TNRC6A: variants seen among roughly 807,000 people sequenced by gnomAD.
The protein encoded by TNRC6A is trinucleotide repeat containing adaptor 6A, also known as trinucleotide repeat-containing gene 6A protein.
A neutral mutation model predicts 221.2 loss-of-function variants in TNRC6A; 44 were observed. The ratio of observed to expected loss-of-function variants is 0.20; its 90% confidence interval spans 0.16 to 0.26. The LOEUF is 0.26. Among genes scored for constraint, TNRC6A ranks in the 10% least tolerant of loss-of-function variants. The pLI, the probability that TNRC6A is intolerant of heterozygous loss-of-function variation, is 1.00. For synonymous variants in TNRC6A, 847 were observed against 838.5 expected (o/e 1.01, Z -0.18); for missense variants, 2,199 against 2,404.4 (o/e 0.91, Z 1.79).
chr16:24,729,853 G>C lies in TNRC6A; in HGVS notation c.5+7G>C, dbSNP rs1370443916. On this transcript the variant is annotated splice_region_variant and intron_variant, in intron 1 of 24. Coordinates refer to ENST00000395799, the MANE Select transcript of TNRC6A (RefSeq NM_014494.4). ...TGCACTTTACACACATGAGGTGAGC[G>C]GAACAAGGGCCTCCCTCCGGGCGGG... 10 of 1,311,404 alleles carry C rather than the reference G, an allele frequency of 7.6e-6. No individual in the cohort carries two copies. The Middle Eastern group carries it at 8.2e-4, about 107-fold the overall frequency. 81.2% of individuals were successfully genotyped at this position (1,311,404 alleles called of 1,614,324 possible).
chr16:24,670,756 A>T (rs1212532385), intron 2 of TNRC6A, among the ~76,000 whole-genome samples: 2 of 152,180 alleles, frequency 1.3e-5, no homozygotes, highest in Non-Finnish European at 2.9e-5. Flanking sequence ...TGCATCACGC[A>T]TCAGCTGCTG....
At chr16:24,728,998 A>G (rs1303273330), upstream of TNRC6A, among the ~76,000 whole-genome samples, 2 of 151,930 alleles carry the variant, frequency 1.3e-5, no homozygotes, top group African/African-American at 2.4e-5. Context: ...GGCTGTTTGC[A>G]ATTTTTCACC....
At chr16:24,812,513 C>T (rs1044237770) in intron 18 of TNRC6A, among the ~76,000 whole-genome samples, 4 of 152,162 alleles carry the variant, frequency 2.6e-5, no homozygotes, top group Non-Finnish European at 2.9e-5. Flanking sequence ...AACAATGGGC[C>T]ATATATCCAG....
At chr16:24,677,111 T>A (rs1184765574) in intron 2 of TNRC6A, among the ~76,000 whole-genome samples, 1 of 151,942 alleles carries the variant, frequency 6.6e-6, no homozygotes, top group Non-Finnish European at 1.5e-5. Flanking sequence ...TGTCCAACTC[T>A]GGCCTTCTCA....
chr16:24,662,661 G>A (rs1420362399), intron 2 of TNRC6A: 2 of 153,584 alleles, frequency 1.3e-5, no homozygotes, highest in African/African-American at 2.4e-5. Flanking sequence ...GAATCTACAG[G>A]GCCATTAGCA....
At chr16:24,710,814 T>C (rs1033731877) in intron 2 of TNRC6A, among the ~76,000 whole-genome samples, 1 of 150,866 alleles carries the variant, frequency 6.6e-6, no homozygotes, top group Non-Finnish European at 1.5e-5. Context: ...CGAGTTCAAG[T>C]GATTCTCCCT....
intron 3 of TNRC6A, 21 bp downstream of exon 3, chr16:24,750,834 T>G (rs1298841334): frequency 4.7e-6 from 7 of 1,488,958 alleles, no homozygotes; most frequent in Non-Finnish European, 5.3e-6. Flanking sequence ...TGTAAACTAT[T>G]TATATTAAGC....
At chr16:24,752,478 G>A (rs1379570902) in intron 3 of TNRC6A, among the ~76,000 whole-genome samples, 2 of 152,198 alleles carry the variant, frequency 1.3e-5, no homozygotes, top group Non-Finnish European at 2.9e-5. Flanking sequence ...CCTGGGAAGG[G>A]ATGCATAGGT....
intron 1 of TNRC6A, among the ~76,000 whole-genome samples, chr16:24,632,957 C>G (rs1041345209): frequency 4.0e-5 from 6 of 148,440 alleles, no homozygotes; most frequent in Non-Finnish European, 8.9e-5. Context: ...TGCAGTGAGT[C>G]GAGATTGCGC....
At chr16:24,642,987 T>A (rs1311349887) in intron 2 of TNRC6A, among the ~76,000 whole-genome samples, 1 of 150,124 alleles carries the variant, frequency 6.7e-6, no homozygotes, top group Non-Finnish European at 1.5e-5. Flanking sequence ...AAGGCTGCAA[T>A]GAGCTATGAT....
intron 1 of TNRC6A, among the ~76,000 whole-genome samples, chr16:24,618,117 G>A (rs528951394): frequency 7.6e-5 from 10 of 130,788 alleles, no homozygotes; most frequent in South Asian, 2.5e-4. Context: ...ATGGGGTTTC[G>A]CCATGTTGCC....
intron 2 of TNRC6A, among the ~76,000 whole-genome samples, chr16:24,736,653 C>T (rs1217775855): frequency 6.6e-6 from 1 of 152,120 alleles, no homozygotes; most frequent in Non-Finnish European, 1.5e-5. Context: ...CCCTTTTTGG[C>T]AGGAGTATCC....
intron 2 of TNRC6A, among the ~76,000 whole-genome samples, chr16:24,665,542 T>C (rs963406690): frequency 6.6e-6 from 1 of 152,230 alleles, no homozygotes; most frequent in Admixed American, 6.5e-5. Flanking sequence ...AACAATAGTC[T>C]TGTTCCATAT....
intron 4 of TNRC6A, among the ~76,000 whole-genome samples, chr16:24,771,548 T>TGTTATGTTATGTTATGTTAC (rs1567448929): frequency 9.8e-6 from 1 of 102,106 alleles, no homozygotes; most frequent in Non-Finnish European, 1.9e-5. Context: ...TGTTATGTTA[T>TGTTATGTTATGTTATGTTAC]GTTATGTTAT....
rs778751263 is a variant in TNRC6A at position 24,790,288 on chromosome 16, C to T, written c.1646C>T (p.Thr549Ile). ...GCTAATGGTGACACTGTGAATGCAACTCTAATGCAGCCTGGCGTAAATGGT... is the reference window on the plus strand; with the variant it reads ...GCTAATGGTGACACTGTGAATGCAATTCTAATGCAGCCTGGCGTAAATGGT... ...GQANGDTVNA[T>I]LMQPGVNGPM... The change falls in exon 6 of 25, where the codon ACT (threonine) becomes ATT (isoleucine). Residue 549 changes from threonine to isoleucine, a missense_variant. By Grantham distance (89) the Thr-to-Ile change is moderately conservative (BLOSUM62 -1). Coordinates refer to ENST00000395799, the MANE Select transcript of TNRC6A (RefSeq NM_014494.4). 4 of 1,614,218 alleles carry T rather than the reference C, an allele frequency of 2.5e-6. No homozygotes were observed. The East Asian group carries it at 8.9e-5, about 36-fold the overall frequency.
In TNRC6A at chr16:24,795,893, G is replaced by A; in HGVS notation, c.3529-14G>A. On this transcript the variant is annotated splice_polypyrimidine_tract_variant and intron_variant, in intron 8 of 24. Transcript: ENST00000395799. The stretch of plus-strand genomic sequence containing the variant: ...CTGGACCATGCTGTTTTGTGACTTT[G>A]TCTTTCCTTACAGGGTCTGAGTGGC... 6.3e-7 allele frequency: 1 copy of A among 1,589,778 alleles called. No individual in the cohort carries two copies. Among genetic ancestry groups the A allele is most frequent in the Non-Finnish European group, 8.6e-7 (1 of 1,164,832 alleles).
At chr16:24,779,592 T>G (rs529423802) in intron 5 of TNRC6A, among the ~76,000 whole-genome samples, 20 of 152,338 alleles carry the variant, frequency 1.3e-4, no homozygotes, top group African/African-American at 4.6e-4. Context: ...TATGGGGTGC[T>G]TACTGTGCCC....
intron 2 of TNRC6A, chr16:24,662,757 T>A (rs2055062399): frequency 6.5e-6 from 1 of 153,790 alleles, no homozygotes; most frequent in Non-Finnish European, 1.5e-5. Flanking sequence ...TTCATTGTAC[T>A]TTCACTGACC....
intron 2 of TNRC6A, among the ~76,000 whole-genome samples, chr16:24,689,774 C>G (rs902330465): frequency 1.3e-5 from 2 of 151,892 alleles, no homozygotes; most frequent in Non-Finnish European, 2.9e-5. Flanking sequence ...AAATTTGAGA[C>G]AGGGTCTCAC....
Sources: allele counts gnomAD v4.1 joint callset (sites outside exome capture counted in the v4.1 genomes callset), GRCh38; gene constraint gnomAD v4.1.1; transcripts MANE v1.5; gene names NCBI Gene and HGNC (gene_info 2026-07-23, HGNC 2026-07-21).